Variants in IL7 observed in about 807,000 individuals in gnomAD.
IL7 encodes interleukin 7, also known as interleukin-7.
A neutral mutation model predicts 21.6 loss-of-function variants in IL7; 3 were observed. That is an observed-to-expected ratio of 0.14 (90% CI 0.06 to 0.36). IL7 has a LOEUF of 0.36. Among genes scored for constraint, IL7 ranks in the 10% least tolerant of loss-of-function variants. The pLI is 1.00. For missense variants in IL7, 175 were observed against 200.2 expected, an observed-to-expected ratio of 0.87 and a Z score of 0.76; for synonymous variants, 62 against 68.1, an observed-to-expected ratio of 0.91 and a Z score of 0.44.
chr8:78,699,697 C>T (rs1810538936), intron 3 of IL7, among the ~76,000 whole-genome samples: 1 of 152,078 alleles, frequency 6.6e-6, no homozygotes, highest in Non-Finnish European at 1.5e-5. Flanking sequence ...TTAGCTTCCA[C>T]TTATAAGTGA....
chr8:78,753,306 T>G (rs1185150241), intron 2 of IL7, among the ~76,000 whole-genome samples: 1 of 152,216 alleles, frequency 6.6e-6, no homozygotes, highest in Non-Finnish European at 1.5e-5. Flanking sequence ...CTCTTTGTGG[T>G]TTTGATTTGC....
intron 1 of IL7, among the ~76,000 whole-genome samples, chr8:78,801,861 G>A (rs1337824454): frequency 6.6e-6 from 1 of 152,116 alleles, no homozygotes; most frequent in Non-Finnish European, 1.5e-5. Context: ...ATGTAGCTTG[G>A]TAGTTTGGTC....
intron 2 of IL7, among the ~76,000 whole-genome samples, chr8:78,743,013 G>A (rs1404145782): frequency 1.3e-5 from 2 of 152,128 alleles, no homozygotes; most frequent in Non-Finnish European, 2.9e-5. Flanking sequence ...AGTTTGCTAA[G>A]GATAATGGCC....
intron 3 of IL7, among the ~76,000 whole-genome samples, chr8:78,690,182 C>T (rs78247446): frequency 0.051 from 7,781 of 152,190 alleles, 278 homozygotes; most frequent in Middle Eastern, 0.082. Context: ...TAGTCAATAC[C>T]GCATTATCAC....
intron 2 of IL7, among the ~76,000 whole-genome samples, chr8:78,788,250 T>G (rs1224330561): frequency 2.6e-5 from 4 of 152,228 alleles, no homozygotes; most frequent in Admixed American, 2.6e-4. Context: ...GTTCTCAATT[T>G]CATCTCTAAT....
Position 78,788,415 on chromosome 8 carries a change from T to C in IL7, c.147+9657A>G, listed in dbSNP as rs56105854. On this transcript the variant is annotated intron_variant, in intron 2 of 5. Coordinates refer to ENST00000263851, the MANE Select transcript of IL7 (RefSeq NM_000880.4). ...CACTGCTCTCACTGTATCATGCAAA[T>C]ATCTATTTTCTTTTCATTTAATTCA... Among the ~76,000 whole-genome samples the C allele has an allele frequency of 9.9e-3, 1,515 of 152,266 alleles. 26 individuals carry two copies. Among genetic ancestry groups the C allele is most frequent in the African/African-American group, 0.034 (1,430 of 41,564 alleles).
intron 5 of IL7, among the ~76,000 whole-genome samples, chr8:78,734,767 A>C (rs2130663134): frequency 6.6e-6 from 1 of 152,320 alleles, no homozygotes; most frequent in South Asian, 2.1e-4. Flanking sequence ...TATTGTGCTC[A>C]GTGTTTAACA....
chr8:78,743,546 T>C (rs1161366113), intron 2 of IL7, among the ~76,000 whole-genome samples: 2 of 151,300 alleles, frequency 1.3e-5, no homozygotes, highest in Non-Finnish European at 3.0e-5. Context: ...AATTCTTTCC[T>C]CTGTTTGGTC....
At chr8:78,727,889 C>T (rs942293311), downstream of IL7, among the ~76,000 whole-genome samples, 9 of 152,020 alleles carry the variant, frequency 5.9e-5, no homozygotes, top group African/African-American at 9.6e-5. Flanking sequence ...ACTCCATAAA[C>T]GCTACAACTA....
At chr8:78,739,489 C>T (rs1163383992) in intron 3 of IL7, among the ~76,000 whole-genome samples, 2 of 151,952 alleles carry the variant, frequency 1.3e-5, no homozygotes, top group African/African-American at 4.8e-5. Flanking sequence ...GTCAGGAGAT[C>T]GAGATCATCC....
Position 78,760,890 on chromosome 8 carries a change from T to C in IL7, c.148-20808A>G, listed in dbSNP as rs1383584979. 5.1e-6 allele frequency: 8 copies of C among 1,559,510 alleles called. No homozygotes were observed. The East Asian group carries it at 1.1e-4, about 22-fold the overall frequency. Reference sequence around the variant, plus strand: ...AGTGAATGCAGTACTGCAGTCAAGCTACCGGCTGCAAAGAAGACATCAGAG... The same window carrying C: ...AGTGAATGCAGTACTGCAGTCAAGCCACCGGCTGCAAAGAAGACATCAGAG... On this transcript the variant is annotated intron_variant, in intron 2 of 5. Transcript: ENST00000263851.
At chr8:78,784,453 G>A (rs1031599695) in intron 2 of IL7, among the ~76,000 whole-genome samples, 1 of 152,070 alleles carries the variant, frequency 6.6e-6, no homozygotes, top group Non-Finnish European at 1.5e-5. Context: ...AGTCACTTAT[G>A]TATATCAACA....
chr8:78,703,866 G>A (rs1810685395), intron 3 of IL7, among the ~76,000 whole-genome samples: 1 of 152,118 alleles, frequency 6.6e-6, no homozygotes, highest in African/African-American at 2.4e-5. Flanking sequence ...GTAACTAACA[G>A]TTTTACAGTA....
chr8:78,749,657 G>C (rs1287304035), intron 2 of IL7, among the ~76,000 whole-genome samples: 1 of 152,208 alleles, frequency 6.6e-6, no homozygotes, highest in Non-Finnish European at 1.5e-5. Context: ...AGGGTACCCA[G>C]TCATAGTTGT....
intron 3 of IL7, chr8:78,724,193 C>CT (rs1386790333): frequency 1.3e-5 from 2 of 152,038 alleles, no homozygotes; most frequent in African/African-American, 4.8e-5. Flanking sequence ...AAAACAGGTT[C>CT]TTTTTTCTTT....
downstream of IL7, chr8:78,715,103 T>C (rs1811058383): frequency 1.2e-6 from 1 of 828,522 alleles, no homozygotes; most frequent in Non-Finnish European, 1.8e-6. Context: ...ATTGGGACTT[T>C]AATCTTTTGA....
At chr8:78,754,497 A>T (rs2465831) in intron 2 of IL7, among the ~76,000 whole-genome samples, 40,515 of 151,946 alleles carry the variant, frequency 0.27, 6,928 homozygotes, top group African/African-American at 0.48. Flanking sequence ...GCTATTCCCA[A>T]CAAGCTATCA....
At chr8:78,762,130 G>C (rs1379788174) in intron 2 of IL7, 1 of 1,596,730 alleles carries the variant, frequency 6.3e-7, no homozygotes, top group Non-Finnish European at 8.6e-7. Flanking sequence ...TTCGTTTTCT[G>C]TGTCTACTAT....
intron 2 of IL7, among the ~76,000 whole-genome samples, chr8:78,752,710 C>T (rs1462388800): frequency 1.3e-5 from 2 of 152,138 alleles, no homozygotes; most frequent in Non-Finnish European, 2.9e-5. Flanking sequence ...CCGTCATCTA[C>T]ATTAGGTATC....
Sources: allele counts gnomAD v4.1 joint callset (sites outside exome capture counted in the v4.1 genomes callset), GRCh38; gene constraint gnomAD v4.1.1; transcripts MANE v1.5; gene names NCBI Gene and HGNC (gene_info 2026-07-23, HGNC 2026-07-21).